The following SAMD12 variants were observed in gnomAD, a reference collection of about 807,000 sequenced individuals.
SAMD12 encodes the protein sterile alpha motif domain-containing protein 12.
A neutral mutation model predicts 15.0 loss-of-function variants in SAMD12; 9 were observed. The observed-to-expected ratio is 0.60, with a 90% CI of 0.36 to 1.05. The LOEUF (loss-of-function observed/expected upper bound fraction) is 1.05, where lower values mean the gene tolerates loss of function less well. SAMD12 is among the 50% of genes least tolerant of loss of function. The pLI is 0.01. For synonymous variants in SAMD12, 86 were observed against 90.1 expected, an observed-to-expected ratio of 0.96 and a Z score of 0.25; for missense variants, 230 against 234.2, an observed-to-expected ratio of 0.98 and a Z score of 0.12.
chr8:118,310,496 ACT>A (rs1815574550), intron 4 of SAMD12, among the ~76,000 whole-genome samples: 1 of 152,202 alleles, frequency 6.6e-6, no homozygotes, highest in South Asian at 2.1e-4. Flanking sequence ...TGTGAAAGAC[ACT>A]GAGTTTTCTG....
chr8:118,442,191 G>C lies in SAMD12; in HGVS notation c.193-2230C>G, dbSNP rs191292989. ...CCTAGTAAGTGGAATACATGGTGAA[G>C]ATGGGAGGGTGAGATCTGTTATAAT... On this transcript the variant is annotated intron_variant, in intron 2 of 3. Coordinates refer to ENST00000314727, the MANE Select transcript of SAMD12 (RefSeq NM_207506.3). Among the ~76,000 whole-genome samples, 876 of 152,338 alleles carry C rather than the reference G, an allele frequency of 5.8e-3. 4 individuals are homozygous for C. The highest frequency in any genetic ancestry group is 0.01 in the Middle Eastern group (3 of 294).
At chr8:118,275,021 G>T (rs547171306) in intron 4 of SAMD12, among the ~76,000 whole-genome samples, 1 of 152,110 alleles carries the variant, frequency 6.6e-6, no homozygotes, top group Non-Finnish European at 1.5e-5. Flanking sequence ...GTGATAGCAA[G>T]CATCCTTGTT....
chr8:118,403,571 A>G (rs952952362), intron 3 of SAMD12, among the ~76,000 whole-genome samples: 5 of 152,244 alleles, frequency 3.3e-5, no homozygotes, highest in Non-Finnish European at 7.3e-5. Context: ...ATTAAATTCG[A>G]TGATCCATAT....
rs531070777 is a variant in SAMD12 at position 118,442,969 on chromosome 8, A to C, written c.193-3008T>G. Reference sequence around the variant, plus strand: ...TCAGCTGGGCTTCAGGTGGAGATTTACCCAAACACACTAAGTTGACTCAGA... The same window carrying C: ...TCAGCTGGGCTTCAGGTGGAGATTTCCCCAAACACACTAAGTTGACTCAGA... On this transcript the variant is annotated intron_variant, in intron 2 of 3. Transcript: ENST00000314727. Among the ~76,000 whole-genome samples the C allele has an allele frequency of 4.6e-5, 7 of 152,296 alleles. No homozygotes were observed. The South Asian group carries it at 1.4e-3, about 32-fold the overall frequency.
intron 4 of SAMD12, among the ~76,000 whole-genome samples, chr8:118,298,057 G>A (rs1445418870): frequency 7.8e-6 from 1 of 128,036 alleles, no homozygotes; most frequent in Non-Finnish European, 1.6e-5. Flanking sequence ...TACCCGACAG[G>A]TGGGGTGTGG....
intron 3 of SAMD12, among the ~76,000 whole-genome samples, chr8:118,396,830 T>C (rs1820595871): frequency 6.6e-6 from 1 of 152,148 alleles, no homozygotes. Context: ...GTTGAGCCCA[T>C]AGTTTATGGT....
chr8:118,609,546 G>A (rs543206415), intron 1 of SAMD12, among the ~76,000 whole-genome samples: 2 of 152,154 alleles, frequency 1.3e-5, no homozygotes, highest in Admixed American at 1.3e-4. Flanking sequence ...ATTGGCAGTG[G>A]AGAGTCCTGA....
At chr8:118,288,407 A>G (rs1814171370) in intron 4 of SAMD12, 1 of 152,180 alleles carries the variant, frequency 6.6e-6, no homozygotes, top group Non-Finnish European at 1.5e-5. Context: ...CAAAATCACA[A>G]AAATTCTAAT....
chr8:118,159,149 C>T, the SAMD12 span, among the ~76,000 whole-genome samples: 110,439 of 151,606 alleles, frequency 0.73, 41,771 homozygotes, highest in Non-Finnish European at 0.84. Context: ...TGTGGCCCTT[C>T]AGGGAGCCCA....
At chr8:118,550,637 C>T (rs1826298357) in intron 2 of SAMD12, among the ~76,000 whole-genome samples, 1 of 151,978 alleles carries the variant, frequency 6.6e-6, no homozygotes, top group African/African-American at 2.4e-5. Flanking sequence ...GCAAAATAAC[C>T]AGCTAACATC....
chr8:118,395,787 T>C (rs1244549228), intron 3 of SAMD12, among the ~76,000 whole-genome samples: 1 of 151,996 alleles, frequency 6.6e-6, no homozygotes, highest in Non-Finnish European at 1.5e-5. Context: ...TGAAACCCCA[T>C]CTCTACTAAA....
intron 4 of SAMD12, among the ~76,000 whole-genome samples, chr8:118,206,116 T>C (rs1224656207): frequency 2.0e-5 from 3 of 152,204 alleles, no homozygotes; most frequent in African/African-American, 7.2e-5. Context: ...CAAACTCATC[T>C]GAGGGAGCTT....
the SAMD12 span, among the ~76,000 whole-genome samples, chr8:118,147,891 T>C: frequency 2.1e-5 from 3 of 144,436 alleles, no homozygotes; most frequent in African/African-American, 7.4e-5. Flanking sequence ...CTAGGATTAC[T>C]CCTTGCTGAA....
At chr8:118,355,712 C>G (rs1433916779) in intron 4 of SAMD12, among the ~76,000 whole-genome samples, 1 of 152,150 alleles carries the variant, frequency 6.6e-6, no homozygotes, top group Non-Finnish European at 1.5e-5. Flanking sequence ...AGAAATGATT[C>G]TCCAACCAGC....
At chr8:118,237,286 C>T (rs1205426630) in intron 4 of SAMD12, among the ~76,000 whole-genome samples, 1 of 149,874 alleles carries the variant, frequency 6.7e-6, no homozygotes, top group Admixed American at 6.6e-5. Flanking sequence ...AATGATCGTA[C>T]CTACCTTACC....
chr8:118,543,610 TTTTC>T (rs1826043015), intron 2 of SAMD12, among the ~76,000 whole-genome samples: 1 of 148,042 alleles, frequency 6.8e-6, no homozygotes, highest in African/African-American at 2.6e-5. Flanking sequence ...TGAGATTTTT[TTTTC>T]TTTTCTTTCT....
In SAMD12 at chr8:118,548,222, A is replaced by C. The variant is rs564460075; in HGVS notation, c.192+32493T>G. On this transcript the variant is annotated intron_variant, in intron 2 of 3. Coordinates refer to ENST00000314727, the MANE Select transcript of SAMD12 (RefSeq NM_207506.3). Reference sequence around the variant, plus strand: ...GCAACAGACAAAAGCTGTAACATATAGCAAATATGTTCACGATATTTTAAA... The same window carrying C: ...GCAACAGACAAAAGCTGTAACATATCGCAAATATGTTCACGATATTTTAAA... Among the ~76,000 whole-genome samples the C allele has an allele frequency of 7.2e-5, 11 of 152,368 alleles. No individual in the cohort carries two copies. In the East Asian group the frequency reaches 2.1e-3, roughly 29 times the overall value.
At chr8:118,501,350 G>A (rs1824776404) in intron 2 of SAMD12, among the ~76,000 whole-genome samples, 1 of 152,136 alleles carries the variant, frequency 6.6e-6, no homozygotes, top group African/African-American at 2.4e-5. Flanking sequence ...ATAAGTCTGT[G>A]ATGTAATACA....
chr8:118,320,677 G>GGGGC (rs1563760960), intron 4 of SAMD12, among the ~76,000 whole-genome samples: 1 of 147,912 alleles, frequency 6.8e-6, no homozygotes, highest in African/African-American at 2.5e-5. Context: ...TGGGGTGGGG[G>GGGGC]GGGTGGGGAG....
Sources: allele counts gnomAD v4.1 joint callset (sites outside exome capture counted in the v4.1 genomes callset), GRCh38; gene constraint gnomAD v4.1.1; transcripts MANE v1.5; gene names NCBI Gene and HGNC (gene_info 2026-07-23, HGNC 2026-07-21).